MAP4K4: variants seen among roughly 807,000 people sequenced by gnomAD.
The protein encoded by MAP4K4 is HPK/GCK-like kinase HGK.
In MAP4K4, 38 loss-of-function variants were observed where a neutral mutation model predicts 189.6. The observed-to-expected ratio is 0.20, with a 90% CI of 0.15 to 0.26. MAP4K4 has a LOEUF of 0.26. MAP4K4 is among the 10% of genes least tolerant of loss of function. MAP4K4 has a pLI of 1.00. For missense variants in MAP4K4, 1,054 were observed against 1,726.9 expected, an observed-to-expected ratio of 0.61 and a Z score of 6.91; for synonymous variants, 610 against 624.3, an observed-to-expected ratio of 0.98 and a Z score of 0.34.
chr2:101,842,249 T>G (rs763052992), intron 10 of MAP4K4, among the ~76,000 whole-genome samples: 5 of 152,292 alleles, frequency 3.3e-5, no homozygotes, highest in Middle Eastern at 6.8e-3. Context: ...CTTTTTGAAT[T>G]TTGCCATCAA....
intron 3 of MAP4K4, among the ~76,000 whole-genome samples, chr2:101,793,841 A>C (rs2093330281): frequency 6.6e-6 from 1 of 152,132 alleles, no homozygotes; most frequent in African/African-American, 2.4e-5. Context: ...CAATGCAAAG[A>C]TGTGGGCCCA....
At chr2:101,835,782 A>G (rs1337911833) in intron 8 of MAP4K4, 118 bp from the exon 9 acceptor site, 12 of 667,828 alleles carry the variant, frequency 1.8e-5, no homozygotes, top group Non-Finnish European at 3.3e-5. Context: ...ACTGCTTGGT[A>G]TGAAGCCTGT....
intron 2 of MAP4K4, among the ~76,000 whole-genome samples, chr2:101,783,651 A>G (rs1407419805): frequency 6.6e-6 from 1 of 152,224 alleles, no homozygotes; most frequent in Non-Finnish European, 1.5e-5. Context: ...CTTTACCCCC[A>G]GTAAATCTCT....
chr2:101,726,670 C>A (rs2055547058), intron 2 of MAP4K4, among the ~76,000 whole-genome samples: 1 of 152,012 alleles, frequency 6.6e-6, no homozygotes, highest in Non-Finnish European at 1.5e-5. Flanking sequence ...ACTTAAAGAG[C>A]CTTAATGGAC....
rs756851853 is a variant in MAP4K4 at position 101,829,527 on chromosome 2, T to C, written c.441T>C (p.His147=). 5.0e-6 allele frequency: 8 copies of C among 1,610,446 alleles called. 1 individual carries two copies. In the South Asian group the frequency reaches 7.8e-5, roughly 16 times the overall value. ...AGGGACTGGCACATCTTCACATTCA[T>C]CATGTGATTCACCGGGATATCAAGG... The change falls in exon 6 of 33, where the codon CAT becomes CAC. Residue 147 remains histidine (H), a synonymous_variant. Coordinates refer to ENST00000324219, the Ensembl canonical transcript of MAP4K4.
At chr2:101,875,506 G>A (rs1405942436) in intron 26 of MAP4K4, among the ~76,000 whole-genome samples, 1 of 152,120 alleles carries the variant, frequency 6.6e-6, no homozygotes, top group Non-Finnish European at 1.5e-5. Flanking sequence ...AGGGCTGTAG[G>A]AGCGTTGTTC....
chr2:101,785,835 C>CTTT (rs2090931485), intron 2 of MAP4K4, among the ~76,000 whole-genome samples: 1 of 143,036 alleles, frequency 7.0e-6, no homozygotes, highest in African/African-American at 2.6e-5. Flanking sequence ...TCTTTCTTTC[C>CTTT]CTTTTTTGAG....
chr2:101,708,075 G>C (rs957256880), intron 2 of MAP4K4, among the ~76,000 whole-genome samples: 1 of 152,048 alleles, frequency 6.6e-6, no homozygotes, highest in African/African-American at 2.4e-5. Context: ...GGACTAAAGT[G>C]GTCTGCCTAC....
intron 23 of MAP4K4, among the ~76,000 whole-genome samples, chr2:101,870,980 A>G (rs2097991822): frequency 6.6e-6 from 1 of 152,250 alleles, no homozygotes; most frequent in Non-Finnish European, 1.5e-5. Flanking sequence ...TGGATCACTA[A>G]GCTTTATAAC....
intron 2 of MAP4K4, among the ~76,000 whole-genome samples, chr2:101,721,191 G>A (rs968778944): frequency 1.3e-5 from 2 of 152,130 alleles, no homozygotes; most frequent in Non-Finnish European, 2.9e-5. Flanking sequence ...ACTAGAAATT[G>A]TCAATACATC....
chr2:101,702,294 G>T (rs548231233), intron 2 of MAP4K4, among the ~76,000 whole-genome samples: 1 of 152,266 alleles, frequency 6.6e-6, no homozygotes, highest in African/African-American at 2.4e-5. Context: ...AACCGGACGC[G>T]GTGGCTTACG....
At chr2:101,858,941 G>A (rs972827079) in intron 13 of MAP4K4, 55 bp from the exon 14 acceptor site, 2 of 1,357,674 alleles carry the variant, frequency 1.5e-6, no homozygotes, top group Admixed American at 1.7e-5. Flanking sequence ...CATTCAGGTG[G>A]TTCTGATGCT....
intron 2 of MAP4K4, among the ~76,000 whole-genome samples, chr2:101,700,142 T>C (rs574661924): frequency 6.6e-5 from 10 of 152,304 alleles, no homozygotes; most frequent in Admixed American, 1.3e-4. Context: ...TCAGCATGGA[T>C]GTTAAGGGCA....
intron 2 of MAP4K4, among the ~76,000 whole-genome samples, chr2:101,750,533 A>G: frequency 1.4e-5 from 2 of 139,860 alleles, no homozygotes; most frequent in Admixed American, 7.3e-5. Context: ...GGGGGGAGGG[A>G]TAGCATTGGG....
intron 2 of MAP4K4, among the ~76,000 whole-genome samples, chr2:101,721,343 T>C (rs2051809396): frequency 6.6e-6 from 1 of 152,124 alleles, no homozygotes; most frequent in Non-Finnish European, 1.5e-5. Flanking sequence ...ATTGCCCGTT[T>C]TGTAAAGGAG....
chr2:101,844,927 GTAAAA>G (rs1222063175), intron 12 of MAP4K4, among the ~76,000 whole-genome samples: 2 of 152,004 alleles, frequency 1.3e-5, no homozygotes, highest in East Asian at 1.9e-4. Context: ...AGAACTTAAA[GTAAAA>G]TAAAATAAAA....
At chr2:101,834,491 C>G in intron 8 of MAP4K4, 28 bp downstream of exon 8, 1 of 1,576,564 alleles carries the variant, frequency 6.3e-7, no homozygotes, top group South Asian at 1.1e-5. Flanking sequence ...CTTTTTAGCT[C>G]ACTTGTTACA....
chr2:101,786,465 G>C (rs568481807), intron 2 of MAP4K4, among the ~76,000 whole-genome samples: 4 of 152,150 alleles, frequency 2.6e-5, no homozygotes, highest in South Asian at 4.2e-4. Context: ...AAACTAAGAA[G>C]GTTGCTCTAT....
At chr2:101,719,184 A>G (rs2050241430) in intron 2 of MAP4K4, among the ~76,000 whole-genome samples, 1 of 152,124 alleles carries the variant, frequency 6.6e-6, no homozygotes, top group African/African-American at 2.4e-5. Flanking sequence ...GGCCTCTTTT[A>G]TGCTCTTCAT....
Sources: allele counts gnomAD v4.1 joint callset (sites outside exome capture counted in the v4.1 genomes callset), GRCh38; gene constraint gnomAD v4.1.1; transcripts MANE v1.5; gene names NCBI Gene and HGNC (gene_info 2026-07-23, HGNC 2026-07-21).